The following USP28 variants were observed in gnomAD, a reference collection of about 807,000 sequenced individuals.
USP28 encodes ubiquitin carboxyl-terminal hydrolase 28.
Under a neutral mutation model 145.0 loss-of-function variants are expected in USP28, and 113 were observed. The ratio of observed to expected loss-of-function variants is 0.78; its 90% CI spans 0.67 to 0.91. USP28 has a LOEUF of 0.91. Ranked by LOEUF, USP28 falls within the 40% of genes least tolerant of loss-of-function variation. USP28 has a pLI of 0.00. For synonymous variants in USP28, 447 were observed against 450.9 expected (o/e 0.99, Z 0.11); for missense variants, 1,201 against 1,289.6 (o/e 0.93, Z 1.05).
At chr11:113,816,860 C>G (rs1941820099) in intron 13 of USP28, among the ~76,000 whole-genome samples, 1 of 152,164 alleles carries the variant, frequency 6.6e-6, no homozygotes, top group African/African-American at 2.4e-5. Flanking sequence ...AGCCCCACTC[C>G]TATCCCCAGA....
rs551721494 is a variant in USP28, at chr11:113,815,706, G to A, written c.1464-324C>T. Among the ~76,000 whole-genome samples the A allele has an allele frequency of 2.6e-5, 4 of 152,264 alleles. No homozygotes were observed. In the South Asian group the frequency reaches 8.3e-4, roughly 32 times the overall value. On this transcript the variant is annotated intron_variant, in intron 13 of 24. Coordinates refer to ENST00000003302, the Ensembl canonical transcript of USP28. ...GGCCAGTCTTTAGCTCATGTTCTCTGATCACTGATTATTCCTTCCCATGAG... is the reference window on the plus strand; with the variant it reads ...GGCCAGTCTTTAGCTCATGTTCTCTAATCACTGATTATTCCTTCCCATGAG...
intron 12 of USP28, among the ~76,000 whole-genome samples, chr11:113,822,149 ATGT>A (rs1352203519): frequency 1.3e-5 from 2 of 151,896 alleles, no homozygotes; most frequent in African/African-American, 4.8e-5. Context: ...GGGGTCTCTT[ATGT>A]TGTTGTGAAG....
At chr11:113,856,043 A>G (rs1008015433) in intron 1 of USP28, among the ~76,000 whole-genome samples, 2 of 152,232 alleles carry the variant, frequency 1.3e-5, no homozygotes, top group Non-Finnish European at 2.9e-5. Flanking sequence ...GAGTCTTGTC[A>G]ACTCCAGTCA....
chr11:113,840,571 C>T (rs775420609), intron 5 of USP28, 27 bp downstream of exon 5: 56 of 1,590,730 alleles, frequency 3.5e-5, no homozygotes, highest in Non-Finnish European at 4.5e-5. Flanking sequence ...TTCCAAAAGA[C>T]ACAGTTATCT....
intron 3 of USP28, among the ~76,000 whole-genome samples, chr11:113,846,446 A>G (rs894082062): frequency 6.6e-6 from 1 of 152,234 alleles, no homozygotes; most frequent in Admixed American, 6.5e-5. Flanking sequence ...GTCCACTTAT[A>G]TGAAGTATTT....
At chr11:113,814,572 G>C (rs4365086) in intron 14 of USP28, among the ~76,000 whole-genome samples, 5,398 of 152,178 alleles carry the variant, frequency 0.035, 446 homozygotes, top group East Asian at 0.31. Flanking sequence ...GTCAACTTAA[G>C]CTGGAGTTCA....
At chr11:113,808,307 T>G in exon 18 of USP28, 1 of 1,612,920 alleles carries the variant, frequency 6.2e-7, no homozygotes, top group Non-Finnish European at 8.5e-7. Context: ...CCTCACTCAG[T>G]GCCGCTTCTA....
At chr11:113,857,090 T>C (rs1278415476) in intron 1 of USP28, among the ~76,000 whole-genome samples, 1 of 152,212 alleles carries the variant, frequency 6.6e-6, no homozygotes, top group Non-Finnish European at 1.5e-5. Flanking sequence ...ACTTGAACTA[T>C]GACACAATGT....
At chr11:113,814,861 C>T (rs1941481733) in intron 14 of USP28, among the ~76,000 whole-genome samples, 1 of 150,262 alleles carries the variant, frequency 6.7e-6, no homozygotes, top group Non-Finnish European at 1.5e-5. Context: ...CCAGCCTGAC[C>T]AACATGGTGA....
At chr11:113,854,882 T>C (rs1946876076) in intron 1 of USP28, among the ~76,000 whole-genome samples, 1 of 152,230 alleles carries the variant, frequency 6.6e-6, no homozygotes, top group Non-Finnish European at 1.5e-5. Flanking sequence ...TTAAATGTAA[T>C]ATTCTAGCCT....
chr11:113,856,311 T>C (rs1370265887), intron 1 of USP28, among the ~76,000 whole-genome samples: 1 of 152,244 alleles, frequency 6.6e-6, no homozygotes, highest in Non-Finnish European at 1.5e-5. Flanking sequence ...GAATCAGTAG[T>C]ATATTAATAC....
intron 3 of USP28, among the ~76,000 whole-genome samples, chr11:113,850,731 T>C (rs1017495987): frequency 1.3e-5 from 2 of 152,166 alleles, no homozygotes; most frequent in Admixed American, 6.5e-5. Context: ...CAACCAGTGC[T>C]TAAGCTGCAG....
chr11:113,858,271 C>T (rs1048843877), intron 1 of USP28, among the ~76,000 whole-genome samples: 4 of 152,126 alleles, frequency 2.6e-5, no homozygotes. Context: ...ATCCAAATTC[C>T]TCATCTTGTC....
chr11:113,817,891 G>A, intron 12 of USP28, 54 bp from the exon 13 acceptor site: 5 of 1,578,814 alleles, frequency 3.2e-6, no homozygotes, highest in Non-Finnish European at 4.3e-6. Flanking sequence ...TGTATTTTAA[G>A]AGTCGCTGAC....
At position 113,817,844 on chromosome 11, in the gene USP28, G is replaced by A. The variant is rs898366466; in HGVS notation, c.1284-7C>T. 34 of 1,612,004 alleles carry A rather than the reference G, an allele frequency of 2.1e-5. No individual in the cohort carries two copies. Among genetic ancestry groups the A allele is most frequent in the Middle Eastern group, 1.6e-4 (1 of 6,062 alleles). On this transcript the variant is annotated splice_polypyrimidine_tract_variant and splice_region_variant and intron_variant, in intron 12 of 24. Coordinates refer to ENST00000003302, the Ensembl canonical transcript of USP28. Reference sequence around the variant, plus strand: ...TGAGCCATATTTCACATACCTAAGCGACAAAGACAGTGGTACTCTACTGCC... The same window carrying A: ...TGAGCCATATTTCACATACCTAAGCAACAAAGACAGTGGTACTCTACTGCC...
intron 5 of USP28, chr11:113,835,301 G>A: frequency 2.2e-6 from 1 of 456,008 alleles, no homozygotes; most frequent in Non-Finnish European, 4.4e-6. Flanking sequence ...TCTCAGGCCT[G>A]CACGGTGGAA....
In USP28 at chr11:113,862,089, G is replaced by A. The variant is rs868259605; in HGVS notation, c.58-7754C>T. ...TTGCTGGGTGTGGTGGCTCACGCCT[G>A]TAATCCCAGCACTTTACGGGGCTGA... On this transcript the variant is annotated intron_variant, in intron 1 of 24. Transcript: ENST00000003302. Among the ~76,000 whole-genome samples, 230 of 152,334 alleles carry A rather than the reference G, an allele frequency of 1.5e-3. 1 individual carries two copies. The highest frequency in any genetic ancestry group is 5.1e-3 in the African/African-American group (213 of 41,566).
chr11:113,846,512 T>C (rs1157519242), intron 3 of USP28, among the ~76,000 whole-genome samples: 4 of 152,216 alleles, frequency 2.6e-5, no homozygotes, highest in Non-Finnish European at 5.9e-5. Context: ...AGGGGCTGGG[T>C]ATGGAGTGCA....
intron 1 of USP28, among the ~76,000 whole-genome samples, chr11:113,873,486 A>C (rs1414774079): frequency 6.6e-6 from 1 of 152,196 alleles, no homozygotes; most frequent in African/African-American, 2.4e-5. Flanking sequence ...CACAGTCTCA[A>C]ACGGAGAATG....
Sources: gnomAD v4.1 joint callset for allele counts (sites outside exome capture counted in the v4.1 genomes callset) on GRCh38, gnomAD v4.1.1 for gene constraint, MANE v1.5 for transcripts, NCBI Gene and HGNC (gene_info 2026-07-23, HGNC 2026-07-21) for gene names.